KCNN2: variants seen among roughly 807,000 people sequenced by gnomAD.
KCNN2 encodes small conductance calcium-activated potassium channel protein 2.
Under a neutral mutation model 55.5 loss-of-function variants are expected in KCNN2, and 24 were observed. The ratio of observed to expected loss-of-function variants is 0.43; its 90% confidence interval spans 0.31 to 0.61. The LOEUF (loss-of-function observed/expected upper bound fraction) is 0.61, where lower values mean the gene tolerates loss of function less well. KCNN2 is among the 20% of genes least tolerant of loss of function. The probability of loss-of-function intolerance (pLI) is 0.08; values close to 1 mark genes in which losing one functional copy is unlikely to be tolerated. For missense variants in KCNN2, 754 were observed against 853.6 expected, an observed-to-expected ratio of 0.88 and a Z score of 1.45; for synonymous variants, 431 against 336.1, an observed-to-expected ratio of 1.28 and a Z score of -3.09.
intron 2 of KCNN2, among the ~76,000 whole-genome samples, chr5:114,307,278 G>A (rs552067245): frequency 6.6e-6 from 1 of 152,168 alleles, no homozygotes; most frequent in Non-Finnish European, 1.5e-5. Context: ...GAGGAATCCT[G>A]ATTTATTGCA....
chr5:114,249,495 C>T (rs1169103343), intron 2 of KCNN2, among the ~76,000 whole-genome samples: 1 of 151,752 alleles, frequency 6.6e-6, no homozygotes, highest in Non-Finnish European at 1.5e-5. Flanking sequence ...CCATGTTGGC[C>T]AGGCTGATCT....
Position 114,142,156 on chromosome 5 carries a change from T to A in KCNN2, c.-270-79324T>A, listed in dbSNP as rs1273114169. Among the ~76,000 whole-genome samples the A allele has an allele frequency of 2.0e-5, 3 of 152,244 alleles. No individual in the cohort carries two copies. The East Asian group carries it at 5.8e-4, about 29-fold the overall frequency. On this transcript the variant is annotated intron_variant, in intron 1 of 10. Transcript: ENST00000512097. ...TTTAATGAGATCCCATTTGTCAATT[T>A]TGGCTTTTGTTGCCATTGCTTTTGG...
chr5:114,387,861 C>G (rs754802587), intron 2 of KCNN2, among the ~76,000 whole-genome samples: 1 of 152,124 alleles, frequency 6.6e-6, no homozygotes, highest in Admixed American at 6.5e-5. Context: ...TTGCTCTCCC[C>G]CTCTGCTCCC....
intron 4 of KCNN2, among the ~76,000 whole-genome samples, chr5:114,468,626 T>A (rs1227857495): frequency 6.6e-6 from 1 of 152,226 alleles, no homozygotes; most frequent in South Asian, 2.1e-4. Flanking sequence ...CACAGGAGGA[T>A]ACTTTAAGCC....
intron 1 of KCNN2, among the ~76,000 whole-genome samples, chr5:114,215,396 A>C (rs931805720): frequency 2.6e-5 from 4 of 152,258 alleles, no homozygotes; most frequent in African/African-American, 9.6e-5. Context: ...AGAATAACAA[A>C]GGAGAGTTAC....
chr5:114,326,035 A>C (rs1475416782), intron 2 of KCNN2, among the ~76,000 whole-genome samples: 1 of 152,252 alleles, frequency 6.6e-6, no homozygotes, highest in Non-Finnish European at 1.5e-5. Flanking sequence ...ATTACAAAGT[A>C]ACTTCAGTTT....
At chr5:114,107,279 T>C (rs186642568) in intron 1 of KCNN2, among the ~76,000 whole-genome samples, 2 of 148,436 alleles carry the variant, frequency 1.3e-5, no homozygotes, top group African/African-American at 2.4e-5. Flanking sequence ...AGTACCATAG[T>C]GTTTTTTTTA....
chr5:114,247,645 C>A (rs1264691635), intron 2 of KCNN2, among the ~76,000 whole-genome samples: 2 of 152,162 alleles, frequency 1.3e-5, no homozygotes, highest in Non-Finnish European at 2.9e-5. Context: ...CCTGAACTTG[C>A]TAAGAGCATG....
intron 2 of KCNN2, among the ~76,000 whole-genome samples, chr5:114,347,526 C>G (rs1018494961): frequency 6.6e-6 from 1 of 152,168 alleles, no homozygotes; most frequent in African/African-American, 2.4e-5. Flanking sequence ...TTCTTCATCA[C>G]AGAACTACGT....
In KCNN2 at chr5:114,275,776, C is replaced by A. The variant is rs555784062; in HGVS notation, c.-185+54211C>A. 1.3e-4 allele frequency among the ~76,000 whole-genome samples: 20 copies of A among 152,148 alleles called. No individual in the cohort carries two copies. The East Asian group carries it at 3.9e-3, about 29-fold the overall frequency. Reference sequence around the variant, plus strand: ...CTATTTTGTTGATCTTTTCAAAAAACCAGCTCCTGGATTCATTGATTTTTT... The same window carrying A: ...CTATTTTGTTGATCTTTTCAAAAAAACAGCTCCTGGATTCATTGATTTTTT... On this transcript the variant is annotated intron_variant, in intron 2 of 10. Coordinates refer to the KCNN2 transcript ENST00000512097.
intron 1 of KCNN2, among the ~76,000 whole-genome samples, chr5:114,103,095 T>A (rs1046921642): frequency 5.9e-5 from 9 of 152,236 alleles, no homozygotes; most frequent in African/African-American, 1.9e-4. Context: ...CATTTGTTTG[T>A]GTCCTCTCTT....
At chr5:114,168,485 T>C (rs923981787) in intron 1 of KCNN2, among the ~76,000 whole-genome samples, 1 of 152,166 alleles carries the variant, frequency 6.6e-6, no homozygotes, top group African/African-American at 2.4e-5. Context: ...TCAAGGCTAA[T>C]ATTCTTCATG....
intron 2 of KCNN2, among the ~76,000 whole-genome samples, chr5:114,272,369 A>C (rs1427537867): frequency 8.0e-6 from 1 of 124,400 alleles, no homozygotes; most frequent in African/African-American, 3.3e-5. Context: ...ATATACACAC[A>C]CATATGTATG....
chr5:114,198,847 C>T (rs1036086892), intron 1 of KCNN2, among the ~76,000 whole-genome samples: 5 of 151,960 alleles, frequency 3.3e-5, no homozygotes, highest in Admixed American at 1.3e-4. Context: ...TGTAGCCTAA[C>T]GTGTGGTCTG....
chr5:114,141,351 T>C (rs1752275966), intron 1 of KCNN2, among the ~76,000 whole-genome samples: 2 of 152,066 alleles, frequency 1.3e-5, no homozygotes, highest in African/African-American at 4.8e-5. Context: ...CATTGTTCAA[T>C]TCCCACCTAT....
At chr5:114,403,565 A>G (rs576289002) in intron 2 of KCNN2, among the ~76,000 whole-genome samples, 1 of 152,308 alleles carries the variant, frequency 6.6e-6, no homozygotes, top group East Asian at 1.9e-4. Context: ...CAGTCAGAAA[A>G]GCCATCACAC....
chr5:114,191,871 A>G (rs1301724156), intron 1 of KCNN2, among the ~76,000 whole-genome samples: 1 of 152,208 alleles, frequency 6.6e-6, no homozygotes, highest in African/African-American at 2.4e-5. Flanking sequence ...ACCATGACCC[A>G]GAAGCTGGCC....
intron 1 of KCNN2, among the ~76,000 whole-genome samples, chr5:114,137,161 T>C (rs879636875): frequency 5.9e-5 from 9 of 152,210 alleles, no homozygotes; most frequent in Non-Finnish European, 1.0e-4. Context: ...GCCACTGTAA[T>C]CATTGGCTCT....
At chr5:114,425,529 C>A (rs1759595009) in intron 3 of KCNN2, among the ~76,000 whole-genome samples, 2 of 152,178 alleles carry the variant, frequency 1.3e-5, no homozygotes, top group African/African-American at 4.8e-5. Context: ...CCTCTCCCTT[C>A]ATCATACCTA....
Sources: gnomAD v4.1 joint callset for allele counts (sites outside exome capture counted in the v4.1 genomes callset) on GRCh38, gnomAD v4.1.1 for gene constraint, MANE v1.5 for transcripts, NCBI Gene and HGNC (gene_info 2026-07-23, HGNC 2026-07-21) for gene names.